The following ZNF415 variants were observed in gnomAD, a reference collection of about 807,000 sequenced individuals.
The protein encoded by ZNF415 is zinc finger protein 415.
Under a neutral mutation model 7.3 loss-of-function variants are expected in ZNF415, and 5 were observed. The ratio of observed to expected loss-of-function variants is 0.69; its 90% CI spans 0.36 to 1.44. The LOEUF (loss-of-function observed/expected upper bound fraction) is 1.44. Among genes scored for constraint, ZNF415 ranks in the 40% most tolerant of loss-of-function variants. The pLI, the probability that ZNF415 is intolerant of heterozygous loss-of-function variation, is 0.04. For synonymous variants in ZNF415, 207 were observed against 226.3 expected (o/e 0.91, Z 0.77); for missense variants, 628 against 664.8 (o/e 0.94, Z 0.61).
At chr19:53,122,785 C>T (rs2088337748) in intron 1 of ZNF415, 42 bp from the exon 2 acceptor site, 2 of 1,459,822 alleles carry the variant, frequency 1.4e-6, no homozygotes, top group Admixed American at 1.7e-5. Context: ...TTAGAAACAA[C>T]ACACCCCCTC....
chr19:53,110,940 A>G (rs138468117), intron 3 of ZNF415, among the ~76,000 whole-genome samples: 6 of 152,334 alleles, frequency 3.9e-5, no homozygotes, highest in African/African-American at 9.6e-5. Flanking sequence ...CACAATATAC[A>G]TAAGAGTTTG....
At chr19:53,114,731 C>T (rs2086746356) in intron 3 of ZNF415, among the ~76,000 whole-genome samples, 1 of 152,164 alleles carries the variant, frequency 6.6e-6, no homozygotes, top group African/African-American at 2.4e-5. Context: ...ACTGTTCTTA[C>T]AGTTCTGCAG....
intron 2 of ZNF415, 52 bp from the exon 3 acceptor site, chr19:53,116,485 C>G (rs1043406149): frequency 1.9e-6 from 3 of 1,608,822 alleles, no homozygotes; most frequent in Non-Finnish European, 8.5e-7. Flanking sequence ...AAGGGAGTTA[C>G]CATCTTCACA....
chr19:53,130,960 T>C lies in ZNF415; in HGVS notation c.-68+1896A>G, dbSNP rs1387364088. Among the ~76,000 whole-genome samples, 5 of 151,974 alleles carry C rather than the reference T, an allele frequency of 3.3e-5. No homozygotes were observed. In the South Asian group the frequency reaches 8.3e-4, roughly 25 times the overall value. ...TGCCCAGCCTCAACACTTTTAATGT[T>C]CCTTTTGAGCAACGTTGTCCAATCC... is the stretch of plus-strand genomic sequence containing the variant. On this transcript the variant is annotated intron_variant, in intron 1 of 3. Coordinates refer to ENST00000243643, the MANE Select transcript of ZNF415 (RefSeq NM_018355.4).
intron 3 of ZNF415, among the ~76,000 whole-genome samples, chr19:53,114,740 A>C (rs1461337090): frequency 6.6e-6 from 1 of 152,178 alleles, no homozygotes; most frequent in South Asian, 2.1e-4. Context: ...ACAGTTCTGC[A>C]GAGTAACAAT....
chr19:53,128,038 G>C (rs2146647102), intron 1 of ZNF415, among the ~76,000 whole-genome samples: 1 of 152,150 alleles, frequency 6.6e-6, no homozygotes, highest in South Asian at 2.1e-4. Context: ...AGCATGCGTG[G>C]GACAGGTGTA....
At chr19:53,121,170 C>T (rs951437943) in intron 2 of ZNF415, among the ~76,000 whole-genome samples, 2 of 149,198 alleles carry the variant, frequency 1.3e-5, no homozygotes, top group Non-Finnish European at 3.0e-5. Flanking sequence ...CCGAGGCAGG[C>T]AGATCATATG....
At position 53,130,554 on chromosome 19, in the gene ZNF415, A is replaced by C. The variant is rs187965660; in HGVS notation, c.-68+2302T>G. Among the ~76,000 whole-genome samples the C allele has an allele frequency of 4.6e-5, 7 of 152,352 alleles. No homozygotes were observed. In the South Asian group the frequency reaches 1.0e-3, roughly 23 times the overall value. On this transcript the variant is annotated intron_variant, in intron 1 of 3. Transcript: ENST00000243643. ...TATACAGAAAAATAGAAACTGAATT[A>C]ATGAAGATCTATCTCAAGTTGCAAA... is the stretch of plus-strand genomic sequence containing the variant.
At chr19:53,111,425 C>T (rs2086231227) in intron 3 of ZNF415, among the ~76,000 whole-genome samples, 1 of 146,724 alleles carries the variant, frequency 6.8e-6, no homozygotes, top group African/African-American at 2.5e-5. Context: ...TAACTGCAAC[C>T]TCTGCTTCCT....
chr19:53,112,246 C>G (rs1470209135), intron 3 of ZNF415, among the ~76,000 whole-genome samples: 1 of 152,126 alleles, frequency 6.6e-6, no homozygotes, highest in Non-Finnish European at 1.5e-5. Flanking sequence ...GCCGGGCCAT[C>G]AGACGTGTTT....
rs1601344999 is a variant in ZNF415, at chr19:53,129,819, C to T, written c.-68+3037G>A. On this transcript the variant is annotated intron_variant, in intron 1 of 3. Transcript: ENST00000243643. ...TTGGCTCGTGCCTGTAATCCCAGCA[C>T]TTCGAGGCTGAAGGAGGGGAGATTA... The T allele has an allele frequency of 1.0e-5, 4 of 383,968 alleles. No homozygotes were observed. In the East Asian group the frequency reaches 1.5e-4, roughly 14 times the overall value. The allele number at this position is 383,968 out of a possible 1,614,324, so 23.8% of individuals were successfully genotyped here.
At position 53,108,767 on chromosome 19, in the gene ZNF415, G is replaced by A. The variant is rs1436716484; in HGVS notation, c.1278C>T (p.His426=). The change falls in exon 4 of 4, where the codon CAC becomes CAT. Residue 426 remains histidine (H), a synonymous_variant. Coordinates refer to ENST00000243643, the MANE Select transcript of ZNF415 (RefSeq NM_018355.4). ...TATGAACTCTCCGATGACTCGCAAG[G>A]TGTGAATTGTAACTGAAAACCTTAC... ...ECGKVFSYNS[H]LASHRRVHTG... is the part of the protein sequence containing the mutation. The A allele has an allele frequency of 6.2e-7, 1 of 1,613,404 alleles. No homozygotes were observed. The highest frequency in any genetic ancestry group is 8.5e-7 in the Non-Finnish European group (1 of 1,179,424).
intron 1 of ZNF415, among the ~76,000 whole-genome samples, chr19:53,132,537 C>T (rs1390847051): frequency 6.6e-6 from 1 of 152,172 alleles, no homozygotes; most frequent in East Asian, 1.9e-4. Flanking sequence ...CGCTGCGCTC[C>T]AGGGGCCGAC....
chr19:53,128,189 G>C (rs149557452), intron 1 of ZNF415, among the ~76,000 whole-genome samples: 55 of 152,154 alleles, frequency 3.6e-4, no homozygotes, highest in African/African-American at 1.2e-3. Context: ...AAAGGCAAAA[G>C]GGCCTCTGGA....
chr19:53,132,302 T>TTTTCCAGGGGG (rs1439175367), intron 1 of ZNF415, among the ~76,000 whole-genome samples: 1 of 152,088 alleles, frequency 6.6e-6, no homozygotes, highest in Non-Finnish European at 1.5e-5. Flanking sequence ...GAGGAGCGCA[T>TTTTCCAGGGGG]TTTCCACGGG....
chr19:53,131,689 T>C (rs913001140), intron 1 of ZNF415, among the ~76,000 whole-genome samples: 3 of 152,118 alleles, frequency 2.0e-5, no homozygotes, highest in Non-Finnish European at 4.4e-5. Context: ...CCCTCTATTC[T>C]TTCTCTTCCA....
In ZNF415 at chr19:53,109,420, A is replaced by G. The variant is rs1474425565; in HGVS notation, c.625T>C (p.Ser209Pro). 3 of 1,613,974 alleles carry G rather than the reference A, an allele frequency of 1.9e-6. No homozygotes were observed. The highest frequency in any genetic ancestry group is 2.5e-6 in the Non-Finnish European group (3 of 1,179,976). ...CTGTAAGGTTTTTCCCTAATGCATG[A>G]TTTCTGTTCTTGTGTGAGTAATGAA... ...CSSLLTQEQK[S>P]CIREKPYRYI... The change falls in exon 4 of 4, where the codon TCA (serine) becomes CCA (proline). Residue 209 changes from serine (S) to proline (P), a missense_variant. Ser to Pro is a moderately conservative substitution (Grantham distance 74). Transcript: ENST00000243643.
intron 3 of ZNF415, among the ~76,000 whole-genome samples, 170 bp from the exon 4 acceptor site, chr19:53,110,078 T>TA (rs5828534): frequency 0.5 from 75,298 of 151,774 alleles, 19,005 homozygotes; most frequent in Admixed American, 0.6. Context: ...CATTCTTTAG[T>TA]AAAAAAAGGG....
Position 53,109,352 on chromosome 19 carries a change from C to G in ZNF415, c.693G>C (p.Met231Ile). ...CDKALNHGSHMTVRQVSHSGE... is the reference protein window; with the variant it reads ...CDKALNHGSHITVRQVSHSGE... ...CAGAATGACTTACCTGACGTACAGTCATGTGTGAGCCATGATTCAAGGCTT... is the reference window on the plus strand; with the variant it reads ...CAGAATGACTTACCTGACGTACAGTGATGTGTGAGCCATGATTCAAGGCTT... The change falls in exon 4 of 4, where the codon ATG becomes ATC. Residue 231 changes from methionine to isoleucine, a missense_variant. By Grantham distance (10) the Met-to-Ile change is conservative. Transcript: ENST00000243643. The G allele has an allele frequency of 3.7e-6, 6 of 1,614,142 alleles. No individual in the cohort carries two copies. The highest frequency in any genetic ancestry group is 5.1e-6 in the Non-Finnish European group (6 of 1,180,024).
Sources: gnomAD v4.1 joint callset for allele counts (sites outside exome capture counted in the v4.1 genomes callset) on GRCh38, gnomAD v4.1.1 for gene constraint, MANE v1.5 for transcripts, NCBI Gene and HGNC (gene_info 2026-07-23, HGNC 2026-07-21) for gene names.